The following SHANK2 variants were observed in gnomAD, a reference collection of about 807,000 sequenced individuals.
SHANK2 encodes the protein SH3 and multiple ankyrin repeat domains protein 2.
SHANK2 carries 43 observed loss-of-function variants against 133.7 expected under a neutral mutation model. That is an observed-to-expected ratio of 0.32 (90% CI 0.25 to 0.41). The LOEUF is 0.41. SHANK2 is among the 10% of genes least tolerant of loss of function. The pLI, the probability that SHANK2 is intolerant of heterozygous loss-of-function variation, is 1.00. For missense variants in SHANK2, 1,994 were observed against 2,235.8 expected (o/e 0.89, Z 2.18); for synonymous variants, 1,017 against 952.8 (o/e 1.07, Z -1.24).
intron 1 of SHANK2, among the ~76,000 whole-genome samples, chr11:71,227,592 G>A (rs1239626828): frequency 6.6e-6 from 1 of 151,414 alleles, no homozygotes; most frequent in African/African-American, 2.4e-5. Context: ...GAAGAAAGAA[G>A]ACATAAATCC....
chr11:71,064,293 C>G (rs984702458), intron 9 of SHANK2, among the ~76,000 whole-genome samples: 2 of 152,144 alleles, frequency 1.3e-5, no homozygotes, highest in African/African-American at 4.8e-5. Context: ...GGAGAGGATG[C>G]GGCTGGCTGG....
chr11:71,070,657 G>A (rs1951131135), intron 9 of SHANK2, among the ~76,000 whole-genome samples: 1 of 152,224 alleles, frequency 6.6e-6, no homozygotes, highest in Admixed American at 6.5e-5. Context: ...TGGCCTGCAG[G>A]CCAAATCAGC....
At chr11:70,576,053 C>G (rs1023318261) in intron 17 of SHANK2, among the ~76,000 whole-genome samples, 1 of 152,106 alleles carries the variant, frequency 6.6e-6, no homozygotes, top group Non-Finnish European at 1.5e-5. Context: ...GTGTTCCCCC[C>G]TCTCCCCACA....
intron 14 of SHANK2, among the ~76,000 whole-genome samples, chr11:70,749,155 T>A (rs1305257343): frequency 6.6e-6 from 1 of 152,144 alleles, no homozygotes; most frequent in Non-Finnish European, 1.5e-5. Flanking sequence ...ACAGCTGACA[T>A]CTTTCAGGCT....
chr11:71,072,685 T>C (rs1332303413), intron 9 of SHANK2, among the ~76,000 whole-genome samples: 1 of 152,164 alleles, frequency 6.6e-6, no homozygotes, highest in African/African-American at 2.4e-5. Context: ...AAGGGAGTAT[T>C]ATTTACCTTA....
intron 10 of SHANK2, among the ~76,000 whole-genome samples, chr11:70,907,404 G>A (rs1950123096): frequency 1.3e-5 from 2 of 152,184 alleles, no homozygotes; most frequent in African/African-American, 4.8e-5. Flanking sequence ...AGGACCACAG[G>A]CTTGGACGTT....
At chr11:70,915,488 G>A (rs1476325278) in intron 10 of SHANK2, among the ~76,000 whole-genome samples, 3 of 152,200 alleles carry the variant, frequency 2.0e-5, no homozygotes, top group Non-Finnish European at 2.9e-5. Flanking sequence ...GGAAGGGACG[G>A]TGCCATCCCA....
Position 71,102,471 on chromosome 11 carries a change from A to C in SHANK2, c.592+7470T>G, listed in dbSNP as rs574354707. On this transcript the variant is annotated intron_variant, in intron 6 of 25. Coordinates refer to ENST00000601538, the MANE Select transcript of SHANK2 (RefSeq NM_012309.5). ...ACAGGGACGCGGGGCCCAGGTCTGCAGGGCCCGGGACTGAGCATGGCGGCA... is the reference window on the plus strand; with the variant it reads ...ACAGGGACGCGGGGCCCAGGTCTGCCGGGCCCGGGACTGAGCATGGCGGCA... 2.0e-5 allele frequency among the ~76,000 whole-genome samples: 3 copies of C among 152,216 alleles called. No individual in the cohort carries two copies. In the South Asian group the frequency reaches 6.2e-4, roughly 32 times the overall value.
chr11:70,552,938 G>A (rs578231874), intron 17 of SHANK2, among the ~76,000 whole-genome samples: 58 of 152,212 alleles, frequency 3.8e-4, no homozygotes, highest in African/African-American at 1.1e-3. Context: ...GTATCTCAGC[G>A]TTGGCTCCTC....
intron 11 of SHANK2, among the ~76,000 whole-genome samples, chr11:70,888,724 G>A (rs1459253239): frequency 2.6e-5 from 4 of 152,110 alleles, no homozygotes; most frequent in African/African-American, 9.7e-5. Context: ...GGCTGAGGCA[G>A]CAGAATCGCT....
intron 15 of SHANK2, among the ~76,000 whole-genome samples, chr11:70,671,756 A>T (rs1944812998): frequency 6.6e-6 from 1 of 152,102 alleles, no homozygotes. Flanking sequence ...CTGTGGGCAG[A>T]TGGGATGAGG....
intron 14 of SHANK2, among the ~76,000 whole-genome samples, chr11:70,730,393 T>C (rs1946264101): frequency 6.6e-6 from 1 of 152,042 alleles, no homozygotes; most frequent in South Asian, 2.1e-4. Flanking sequence ...CATGATCTCA[T>C]CACAAATAGA....
At chr11:71,171,515 A>G (rs1953313338) in intron 2 of SHANK2, among the ~76,000 whole-genome samples, 2 of 152,178 alleles carry the variant, frequency 1.3e-5, no homozygotes, top group African/African-American at 4.8e-5. Flanking sequence ...CAAGTCCTGA[A>G]GTCCAAAGGC....
At chr11:71,093,621 C>T (rs782372388) in intron 7 of SHANK2, among the ~76,000 whole-genome samples, 6 of 152,200 alleles carry the variant, frequency 3.9e-5, no homozygotes, top group Non-Finnish European at 5.9e-5. Context: ...TGCCTGCTCC[C>T]GCTTCACCTT....
At chr11:70,897,671 A>T (rs2135666732) in intron 10 of SHANK2, among the ~76,000 whole-genome samples, 1 of 152,268 alleles carries the variant, frequency 6.6e-6, no homozygotes, top group East Asian at 1.9e-4. Context: ...ATTTAAATCA[A>T]CCTTTCTTCT....
chr11:70,580,578 G>T (rs928654787), intron 17 of SHANK2, among the ~76,000 whole-genome samples: 1 of 152,232 alleles, frequency 6.6e-6, no homozygotes, highest in Non-Finnish European at 1.5e-5. Flanking sequence ...GCACCTGGTG[G>T]CACCCACGGG....
At position 70,594,359 on chromosome 11, in the gene SHANK2, A is replaced by T. The variant is rs188339186; in HGVS notation, c.2061+65469T>A. Among the ~76,000 whole-genome samples the T allele has an allele frequency of 8.0e-4, 122 of 152,290 alleles. 1 individual carries two copies. Among genetic ancestry groups the T allele is most frequent in the Admixed American group, 4.2e-3 (65 of 15,300 alleles). On this transcript the variant is annotated intron_variant, in intron 17 of 25. Coordinates refer to ENST00000601538, the MANE Select transcript of SHANK2 (RefSeq NM_012309.5). ...TCCCAGGACCCCAGCACAGACCCAA[A>T]TCCAAGAATATTCAAAAGTCACACA...
At chr11:70,556,096 C>T (rs1231067002) in intron 17 of SHANK2, among the ~76,000 whole-genome samples, 1 of 152,254 alleles carries the variant, frequency 6.6e-6, no homozygotes, top group Non-Finnish European at 1.5e-5. Context: ...GGTGGCTACA[C>T]TGAACAACAG....
At chr11:70,701,780 T>C (rs1374253440) in intron 14 of SHANK2, among the ~76,000 whole-genome samples, 2 of 152,154 alleles carry the variant, frequency 1.3e-5, no homozygotes, top group African/African-American at 4.8e-5. Context: ...CTTCCCTGTC[T>C]CCTGGTTCCC....
Sources: gnomAD v4.1 joint callset for allele counts (sites outside exome capture counted in the v4.1 genomes callset) on GRCh38, gnomAD v4.1.1 for gene constraint, MANE v1.5 for transcripts, NCBI Gene and HGNC (gene_info 2026-07-23, HGNC 2026-07-21) for gene names.